PPFIBP2: variants seen among roughly 807,000 people sequenced by gnomAD.
PPFIBP2 encodes PPFIB scaffold protein 2, also known as liprin-beta-2.
Under a neutral mutation model 118.3 loss-of-function variants are expected in PPFIBP2, and 118 were observed. That is an observed-to-expected ratio of 1.00 (90% CI 0.86 to 1.16). The LOEUF is 1.16. Ranked by LOEUF, PPFIBP2 falls within the 50% of genes most tolerant of loss-of-function variation. The pLI, the probability that PPFIBP2 is intolerant of heterozygous loss-of-function variation, is 0.00. For synonymous variants in PPFIBP2, 414 were observed against 397.4 expected (o/e 1.04, Z -0.50); for missense variants, 1,195 against 1,073.1 (o/e 1.11, Z -1.59).
intron 6 of PPFIBP2, among the ~76,000 whole-genome samples, chr11:7,613,194 G>GA (rs2135518331): frequency 6.6e-6 from 1 of 152,270 alleles, no homozygotes; most frequent in South Asian, 2.1e-4. Flanking sequence ...TTAATGAAAA[G>GA]AAGAGAATGC....
chr11:7,619,993 T>C (rs1008373570), intron 6 of PPFIBP2, among the ~76,000 whole-genome samples: 7 of 152,218 alleles, frequency 4.6e-5, no homozygotes, highest in Non-Finnish European at 1.0e-4. Context: ...GCAGGACCAA[T>C]TGTCTGTTAA....
chr11:7,649,567 A>C lies in PPFIBP2; in HGVS notation c.2034A>C (p.Leu678=). The C allele has an allele frequency of 6.2e-7, 1 of 1,614,200 alleles. No individual in the cohort carries two copies. Among genetic ancestry groups the C allele is most frequent in the Non-Finnish European group, 8.5e-7 (1 of 1,180,040 alleles). ...TCTTCTTAAAAGTCACCAGCCAACT[A>C]CATCATCTCAGCATCAAATGTGCCA... ...DLLFLKVTSQ[L]HHLSIKCAIH... is the part of the protein sequence containing the mutation. The change falls in exon 21 of 24, where the codon CTA becomes CTC. Residue 678 remains leucine (L), a synonymous_variant. Coordinates refer to ENST00000299492, the MANE Select transcript of PPFIBP2 (RefSeq NM_003621.5).
At chr11:7,542,676 G>A (rs1310201378) in intron 1 of PPFIBP2, among the ~76,000 whole-genome samples, 4 of 152,208 alleles carry the variant, frequency 2.6e-5, no homozygotes, top group African/African-American at 9.7e-5. Context: ...ATGTTCAGAT[G>A]CACCAGGTGT....
At chr11:7,526,741 C>A (rs546930757) in intron 1 of PPFIBP2, among the ~76,000 whole-genome samples, 1 of 152,040 alleles carries the variant, frequency 6.6e-6, no homozygotes, top group Non-Finnish European at 1.5e-5. Context: ...CGTGACTATG[C>A]GGAAGCTTCT....
intron 4 of PPFIBP2, among the ~76,000 whole-genome samples, chr11:7,596,602 A>C (rs1400332808): frequency 6.6e-6 from 1 of 152,190 alleles, no homozygotes; most frequent in Non-Finnish European, 1.5e-5. Flanking sequence ...AATTCACATC[A>C]ACTCATGCAC....
At chr11:7,654,479 C>T (rs1302155223), downstream of PPFIBP2, among the ~76,000 whole-genome samples, 6 of 152,234 alleles carry the variant, frequency 3.9e-5, no homozygotes, top group Non-Finnish European at 8.8e-5. Context: ...CATTGTAGCA[C>T]TCTGATTCTG....
At chr11:7,549,315 T>C (rs1323733807) in intron 1 of PPFIBP2, 125 bp from the exon 2 acceptor site, 1 of 830,630 alleles carries the variant, frequency 1.2e-6, no homozygotes, top group Non-Finnish European at 1.9e-6. Context: ...AGAAACTACA[T>C]GTCGGCTACT....
downstream of PPFIBP2, chr11:7,657,072 G>C: frequency 3.3e-6 from 1 of 300,406 alleles, no homozygotes; most frequent in East Asian, 8.2e-5. Context: ...TTTGTGGGAG[G>C]GCAGTGACAT....
chr11:7,641,038 G>A, intron 15 of PPFIBP2: 1 of 1,282,766 alleles, frequency 7.8e-7, no homozygotes. Flanking sequence ...TGGAGATCGT[G>A]GCCGGAGTGT....
intron 2 of PPFIBP2, among the ~76,000 whole-genome samples, chr11:7,558,840 T>C (rs1400033225): frequency 6.6e-6 from 1 of 152,218 alleles, no homozygotes; most frequent in African/African-American, 2.4e-5. Context: ...AAAATAATTA[T>C]TAAATCTTCA....
intron 5 of PPFIBP2, among the ~76,000 whole-genome samples, chr11:7,603,130 C>G (rs1846877661): frequency 6.6e-6 from 1 of 152,130 alleles, no homozygotes; most frequent in African/African-American, 2.4e-5. Flanking sequence ...TGTACATGTT[C>G]CGGTGGGAAC....
the PPFIBP2 span, among the ~76,000 whole-genome samples, chr11:7,664,403 G>A: frequency 9.2e-5 from 14 of 152,234 alleles, 1 homozygote; most frequent in African/African-American, 1.7e-4. Context: ...TTTGGGCTGC[G>A]TAATACTCTG....
chr11:7,529,739 G>A (rs1850525202), intron 1 of PPFIBP2, among the ~76,000 whole-genome samples: 1 of 152,216 alleles, frequency 6.6e-6, no homozygotes, highest in East Asian at 1.9e-4. Flanking sequence ...CCTGCCCCTG[G>A]GATGGCCCCT....
intron 1 of PPFIBP2, among the ~76,000 whole-genome samples, chr11:7,541,560 C>T (rs955689350): frequency 2.0e-5 from 3 of 152,174 alleles, no homozygotes; most frequent in Non-Finnish European, 2.9e-5. Flanking sequence ...TCCTCTTCTC[C>T]CCGGTGGCTG....
chr11:7,559,394 T>A (rs1854040595), intron 2 of PPFIBP2, among the ~76,000 whole-genome samples: 1 of 152,156 alleles, frequency 6.6e-6, no homozygotes, highest in Non-Finnish European at 1.5e-5. Context: ...GGGAAATGTG[T>A]GTGGAGTGTG....
In PPFIBP2 at chr11:7,639,751, A is replaced by C. The variant is rs755116688; in HGVS notation, c.1256A>C (p.Glu419Ala). Reference protein sequence around the residue: ...LEPKDSPFLAEHKYPTLPGKL... With the variant: ...LEPKDSPFLAAHKYPTLPGKL... ...CAATAGGACAGCCCTTTCTTGGCGG[A>C]GCACAAATATCCCACTTTACCTGGG... Residue 419 changes from glutamate to alanine, a missense_variant, in exon 15 of 24, where the codon GAG becomes GCG. Coordinates refer to ENST00000299492, the MANE Select transcript of PPFIBP2 (RefSeq NM_003621.5). 6 of 1,614,056 alleles carry C rather than the reference A, an allele frequency of 3.7e-6. No individual in the cohort carries two copies. The highest frequency in any genetic ancestry group is 5.1e-6 in the Non-Finnish European group (6 of 1,179,992).
downstream of PPFIBP2, among the ~76,000 whole-genome samples, chr11:7,659,928 C>G (rs1172093204): frequency 2.4e-5 from 3 of 123,888 alleles, 1 homozygote; most frequent in Non-Finnish European, 5.7e-5. Flanking sequence ...TGGGAATTCA[C>G]TCATGATTTG....
chr11:7,526,780 A>G (rs1488173237), intron 1 of PPFIBP2, among the ~76,000 whole-genome samples: 1 of 152,036 alleles, frequency 6.6e-6, no homozygotes, highest in African/African-American at 2.4e-5. Flanking sequence ...TGAACATCCC[A>G]CTTAGTGACA....
intron 3 of PPFIBP2, among the ~76,000 whole-genome samples, chr11:7,575,108 C>T (rs1374389298): frequency 6.6e-6 from 1 of 152,120 alleles, no homozygotes. Flanking sequence ...CCTGGAGAAA[C>T]GGACCTTCAA....
Sources: gnomAD v4.1 joint callset for allele counts (sites outside exome capture counted in the v4.1 genomes callset) on GRCh38, gnomAD v4.1.1 for gene constraint, MANE v1.5 for transcripts, NCBI Gene and HGNC (gene_info 2026-07-23, HGNC 2026-07-21) for gene names.